The following SOCS2 variants were observed in gnomAD, a reference collection of about 807,000 sequenced individuals.
SOCS2 encodes suppressor of cytokine signaling 2.
Under a neutral mutation model 18.6 loss-of-function variants are expected in SOCS2, and 10 were observed. The ratio of observed to expected loss-of-function variants is 0.54; its 90% CI spans 0.33 to 0.91. The LOEUF (loss-of-function observed/expected upper bound fraction) is 0.91, where lower values mean the gene tolerates loss of function less well. Among genes scored for constraint, SOCS2 ranks in the 40% least tolerant of loss-of-function variants. The pLI is 0.02. For synonymous variants in SOCS2, 104 were observed against 104.0 expected, an observed-to-expected ratio of 1.00 and a Z score of 0.00; for missense variants, 231 against 247.2, an observed-to-expected ratio of 0.93 and a Z score of 0.44.
At chr12:93,576,792 TGGCA>T (rs1401687981), downstream of SOCS2, 5 of 152,242 alleles carry the variant, frequency 3.3e-5, no homozygotes, top group Non-Finnish European at 5.9e-5. Flanking sequence ...GTTTTGTGCC[TGGCA>T]GGAAACATAC....
At chr12:93,582,538 C>A (rs1954554574) in intron 1 of SOCS2, among the ~76,000 whole-genome samples, 3 of 152,138 alleles carry the variant, frequency 2.0e-5, no homozygotes, top group Non-Finnish European at 2.9e-5. Flanking sequence ...TCTTTCCTTC[C>A]TTGGCTGCAG....
At chr12:93,605,732 G>A in the SOCS2 span, among the ~76,000 whole-genome samples, 1 of 152,192 alleles carries the variant, frequency 6.6e-6, no homozygotes, top group African/African-American at 2.4e-5. Context: ...TAAAAGAAAG[G>A]GAGCAGGGAA....
downstream of SOCS2, among the ~76,000 whole-genome samples, chr12:93,579,134 T>C (rs1395035806): frequency 6.6e-6 from 1 of 152,232 alleles, no homozygotes; most frequent in Non-Finnish European, 1.5e-5. Flanking sequence ...CCAGCCACAA[T>C]GCCTGGGCGA....
Position 93,575,001 on chromosome 12 carries a change from C to T in SOCS2, c.419C>T (p.Pro140Leu). 1 of 1,614,056 alleles carries T rather than the reference C, an allele frequency of 6.2e-7. No homozygotes were observed. The highest frequency in any genetic ancestry group is 8.5e-7 in the Non-Finnish European group (1 of 1,179,976). ...VQMCKDKRTG[P>L]EAPRNGTVHL... ...ATGTGCAAGGATAAGCGGACAGGTC[C>T]AGAAGCCCCCCGGAACGGCACTGTT... Residue 140 changes from proline (P) to leucine (L), a missense_variant, in exon 2 of 2, where the codon CCA becomes CTA. Around this residue, in one of 3 missense-constraint regions of SOCS2, gnomAD observed 122 missense variants for 127.2 expected, o/e 0.96. Coordinates refer to ENST00000551556, the MANE Select transcript of SOCS2 (RefSeq NM_001270471.2).
the SOCS2 span, among the ~76,000 whole-genome samples, chr12:93,596,478 A>C: frequency 5.9e-5 from 9 of 152,170 alleles, no homozygotes; most frequent in Non-Finnish European, 1.2e-4. Flanking sequence ...TCAGATTCCT[A>C]AGATAAGACT....
At chr12:93,611,332 G>T in the SOCS2 span, among the ~76,000 whole-genome samples, 1 of 152,142 alleles carries the variant, frequency 6.6e-6, no homozygotes, top group Non-Finnish European at 1.5e-5. Flanking sequence ...CCACCTCCTT[G>T]GTTCAAGCGA....
the SOCS2 span, among the ~76,000 whole-genome samples, chr12:93,617,036 G>C: frequency 1.3e-5 from 2 of 152,150 alleles, no homozygotes; most frequent in Non-Finnish European, 2.9e-5. Context: ...TGCAAACCCA[G>C]TACTACCGAG....
Position 93,576,329 on chromosome 12 carries a change from G to T in SOCS2, c.*1150G>T, listed in dbSNP as rs1268025087. ...AAGGTAGAACATTACTTGCCATTCTGTAAAGTTATGGGCTGTACCTGCCCC... is the reference window on the plus strand; with the variant it reads ...AAGGTAGAACATTACTTGCCATTCTTTAAAGTTATGGGCTGTACCTGCCCC... On this transcript the variant is annotated 3_prime_UTR_variant, in exon 2 of 2. Coordinates refer to ENST00000551556, the MANE Select transcript of SOCS2 (RefSeq NM_001270471.2). The T allele has an allele frequency of 6.6e-6, 1 of 152,482 alleles. No individual in the cohort carries two copies. The highest frequency in any genetic ancestry group is 1.5e-5 in the Non-Finnish European group (1 of 68,046). 9.4% of individuals were successfully genotyped at this position (152,482 alleles called of 1,614,324 possible).
At chr12:93,609,473 T>A in the SOCS2 span, among the ~76,000 whole-genome samples, 1 of 151,710 alleles carries the variant, frequency 6.6e-6, no homozygotes, top group Admixed American at 6.6e-5. Flanking sequence ...TTATTAATTT[T>A]TATTACCTTA....
the SOCS2 span, among the ~76,000 whole-genome samples, chr12:93,591,969 G>A: frequency 2.0e-5 from 3 of 152,102 alleles, no homozygotes; most frequent in African/African-American, 7.2e-5. Flanking sequence ...TTAATGCAGG[G>A]TAAATACAAC....
chr12:93,612,557 C>T, the SOCS2 span, among the ~76,000 whole-genome samples: 1 of 152,192 alleles, frequency 6.6e-6, no homozygotes, highest in Non-Finnish European at 1.5e-5. Context: ...CCTAAGTGTA[C>T]TCCCTAAAGC....
the SOCS2 span, among the ~76,000 whole-genome samples, chr12:93,624,591 T>C: frequency 5.3e-5 from 8 of 151,952 alleles, no homozygotes; most frequent in African/African-American, 1.9e-4. Context: ...AAATCTATTA[T>C]GTGTTAATTA....
At chr12:93,572,474 C>T, upstream of SOCS2, 1 of 366,976 alleles carries the variant, frequency 2.7e-6, no homozygotes, top group Admixed American at 3.7e-5. The surrounding 1 kb of genome is among the most constrained non-coding windows in gnomAD (Gnocchi z 5.0). Flanking sequence ...CTCCGCCCCC[C>T]ACCTCTTCAG....
chr12:93,614,397 C>A, the SOCS2 span, among the ~76,000 whole-genome samples: 2 of 141,136 alleles, frequency 1.4e-5, no homozygotes, highest in Non-Finnish European at 3.0e-5. Flanking sequence ...TTCTTTCTTT[C>A]TTTCTTTCTT....
chr12:93,598,744 A>G, the SOCS2 span, among the ~76,000 whole-genome samples: 1 of 152,214 alleles, frequency 6.6e-6, no homozygotes, highest in South Asian at 2.1e-4. Flanking sequence ...TTATTAGTAG[A>G]TGTTAAAGAA....
chr12:93,578,134 A>G (rs953292081), downstream of SOCS2, among the ~76,000 whole-genome samples: 11 of 152,260 alleles, frequency 7.2e-5, no homozygotes, highest in African/African-American at 2.6e-4. Flanking sequence ...GATTTTTTGG[A>G]ACTTTGGATA....
downstream of SOCS2, among the ~76,000 whole-genome samples, chr12:93,583,850 A>T (rs1000181770): frequency 6.6e-6 from 1 of 152,268 alleles, no homozygotes; most frequent in Non-Finnish European, 1.5e-5. Flanking sequence ...CATCTGAAGT[A>T]GATTCTGCTT....
rs1954437963 is a variant in SOCS2, at chr12:93,575,482, T to C, written c.*303T>C. ...CGCGTTTTATCAGAATGCCTTGCCTTCTTAGGTTCTTTTCCATTATGTCAA... is the reference window on the plus strand; with the variant it reads ...CGCGTTTTATCAGAATGCCTTGCCTCCTTAGGTTCTTTTCCATTATGTCAA... On this transcript the variant is annotated 3_prime_UTR_variant, in exon 2 of 2. Transcript: ENST00000551556. 5.8e-6 allele frequency: 1 copy of C among 172,998 alleles called. No homozygotes were observed. Among genetic ancestry groups the C allele is most frequent in the Non-Finnish European group, 1.2e-5 (1 of 80,480 alleles). The allele number at this position is 172,998 out of a possible 1,614,324, so 10.7% of individuals were successfully genotyped here. A position where few individuals can be genotyped will look rare whatever the true frequency, so the allele number is the denominator to read the frequency against.
At chr12:93,581,507 A>G (rs1954539313), downstream of SOCS2, among the ~76,000 whole-genome samples, 2 of 151,104 alleles carry the variant, frequency 1.3e-5, no homozygotes, top group African/African-American at 2.4e-5. Context: ...GTCTTTTTCT[A>G]GTTACTCTGG....
Sources: allele counts gnomAD v4.1 joint callset (sites outside exome capture counted in the v4.1 genomes callset), GRCh38; gene constraint gnomAD v4.1.1; regional missense constraint gnomAD v4.1.1; non-coding constraint Gnocchi (gnomAD v3.1); transcripts MANE v1.5; gene names NCBI Gene and HGNC (gene_info 2026-07-23, HGNC 2026-07-21).